Variants in AP3D1 observed in about 807,000 individuals in gnomAD.
AP3D1 encodes AP-3 complex subunit delta-1.
AP3D1 carries 51 observed loss-of-function variants against 147.6 expected under a neutral mutation model. The ratio of observed to expected loss-of-function variants is 0.35; its 90% CI spans 0.28 to 0.44. AP3D1 has a LOEUF of 0.44. Among genes scored for constraint, AP3D1 ranks in the 20% least tolerant of loss-of-function variants. The pLI, the probability that AP3D1 is intolerant of heterozygous loss-of-function variation, is 1.00. For synonymous variants in AP3D1, 760 were observed against 663.0 expected, an observed-to-expected ratio of 1.15 and a Z score of -2.25; for missense variants, 1,421 against 1,624.2, an observed-to-expected ratio of 0.87 and a Z score of 2.15.
chr19:2,110,580 G>A (rs1373243481), intron 27 of AP3D1, 127 bp downstream of exon 27: 1 of 1,041,466 alleles, frequency 9.6e-7, no homozygotes, highest in Non-Finnish European at 1.4e-6. Flanking sequence ...AGGAGGTACT[G>A]AGGTGCAGCC....
chr19:2,117,309 G>A lies in AP3D1; in HGVS notation c.1772C>T (p.Pro591Leu). ...GAGAGCGCTGACCTCCTCTGCCACA[G>A]GCACGTCCTTGGCCTGAAGCTTCTG... Reference protein sequence around the residue: ...HIQKLQAKDVPVAEEVSALFA... With the variant: ...HIQKLQAKDVLVAEEVSALFA... The change falls in exon 16 of 32, where the codon CCT becomes CTT. Residue 591 changes from proline (P) to leucine (L), a missense_variant. Physicochemically the swap from Pro to Leu is moderately conservative, Grantham distance 98. Around this residue, in one of 6 missense-constraint regions of AP3D1, gnomAD observed 310 missense variants for 388.1 expected, o/e 0.80. Coordinates refer to ENST00000643116, the MANE Select transcript of AP3D1 (RefSeq NM_001261826.3). The A allele has an allele frequency of 6.2e-7, 1 of 1,612,882 alleles. No homozygotes were observed. Among genetic ancestry groups the A allele is most frequent in the Non-Finnish European group, 8.5e-7 (1 of 1,179,770 alleles).
At chr19:2,155,975 C>T (rs542010132), upstream of AP3D1, among the ~76,000 whole-genome samples, 81 of 151,382 alleles carry the variant, frequency 5.4e-4, 1 homozygote, top group Admixed American at 1.4e-3. Flanking sequence ...ATGGCGTGTA[C>T]CCGGGAGGCG....
chr19:2,104,471 C>G (rs974954561), intron 31 of AP3D1, among the ~76,000 whole-genome samples: 5 of 150,974 alleles, frequency 3.3e-5, no homozygotes, highest in Non-Finnish European at 7.4e-5. Context: ...CGCCAAGACA[C>G]CAATGCCCAG....
intron 22 of AP3D1, among the ~76,000 whole-genome samples, 156 bp from the exon 23 acceptor site, chr19:2,113,569 G>A (rs2018349025): frequency 6.6e-6 from 1 of 152,232 alleles, no homozygotes; most frequent in Non-Finnish European, 1.5e-5. Context: ...AGGAGCTGAA[G>A]GCGATGTCCT....
chr19:2,164,482 G>C, upstream of AP3D1: 1 of 325,710 alleles, frequency 3.1e-6, no homozygotes, highest in Non-Finnish European at 5.5e-6. Flanking sequence ...GGTGGGAGCG[G>C]GAGCCGGCGC....
intron 31 of AP3D1, among the ~76,000 whole-genome samples, chr19:2,103,028 G>A (rs1271386576): frequency 1.3e-5 from 2 of 152,072 alleles, no homozygotes; most frequent in East Asian, 3.9e-4. Context: ...GGAGGCTGAG[G>A]CGGGAGGGTC....
rs754222418 is a variant in AP3D1, at chr19:2,121,236, G to A, written c.1177C>T (p.Arg393Cys). The change falls in exon 13 of 32, where the codon CGT becomes TGT. Residue 393 changes from arginine to cysteine, a missense_variant. This residue lies in a region of AP3D1 where 310 missense variants were observed against 388.1 expected (regional missense o/e 0.80). Transcript: ENST00000643116. ...HVDKAEGTTY[R>C]DELLTKIIDI... The stretch of plus-strand genomic sequence containing the variant: ...ATGATCTTGGTGAGCAGCTCGTCAC[G>A]GTAGGTGGTACCCTCTGCCTTGTCT... 4.3e-6 allele frequency: 7 copies of A among 1,614,068 alleles called. No homozygotes were observed. The highest frequency in any genetic ancestry group is 1.7e-5 in the Admixed American group (1 of 60,004).
intron 5 of AP3D1, 53 bp from the exon 6 acceptor site, chr19:2,130,590 T>C (rs1357975805): frequency 6.2e-7 from 1 of 1,603,380 alleles, no homozygotes; most frequent in Non-Finnish European, 8.5e-7. Context: ...TCATCCCTGC[T>C]CTCGCCCCTC....
intron 4 of AP3D1, among the ~76,000 whole-genome samples, chr19:2,133,210 C>T (rs2145123666): frequency 6.6e-6 from 1 of 152,246 alleles, no homozygotes; most frequent in African/African-American, 2.4e-5. Context: ...CTTTCCGCAA[C>T]AACTGAGGGG....
chr19:2,113,278 G>T, intron 23 of AP3D1, 58 bp downstream of exon 23: 1 of 921,872 alleles, frequency 1.1e-6, no homozygotes. Flanking sequence ...TTCCCTGAGT[G>T]CCAGGTATGA....
At chr19:2,142,014 T>TA (rs2019235349) in intron 1 of AP3D1, among the ~76,000 whole-genome samples, 1 of 150,136 alleles carries the variant, frequency 6.7e-6, no homozygotes, top group African/African-American at 2.5e-5. Context: ...ATATGTTTAT[T>TA]TATATATATA....
intron 1 of AP3D1, among the ~76,000 whole-genome samples, chr19:2,160,042 G>C (rs917500364): frequency 6.6e-6 from 1 of 151,526 alleles, no homozygotes; most frequent in Non-Finnish European, 1.5e-5. Context: ...GTAGAGACGG[G>C]GTTTCACCAT....
At chr19:2,104,779 A>G (rs1599434199) in intron 31 of AP3D1, among the ~76,000 whole-genome samples, 1 of 143,920 alleles carries the variant, frequency 6.9e-6, no homozygotes, top group Non-Finnish European at 1.5e-5. Context: ...AGATCCTCCC[A>G]CCCCAGCCTC....
intron 11 of AP3D1, 106 bp downstream of exon 11, chr19:2,123,252 C>G (rs1280291488): frequency 8.6e-7 from 1 of 1,158,716 alleles, no homozygotes; most frequent in Non-Finnish European, 1.3e-6. Context: ...AGGGAGACAG[C>G]TGGGGTTGCA....
intron 1 of AP3D1, among the ~76,000 whole-genome samples, chr19:2,161,280 G>A (rs1470034916): frequency 1.3e-5 from 2 of 150,236 alleles, no homozygotes; most frequent in East Asian, 4.0e-4. Context: ...TGTTGCCTCA[G>A]CCTCCCGAGT....
intron 1 of AP3D1, among the ~76,000 whole-genome samples, chr19:2,148,270 A>T (rs1195874400): frequency 1.3e-5 from 2 of 152,220 alleles, no homozygotes; most frequent in Non-Finnish European, 2.9e-5. Flanking sequence ...GAGCTTTAGA[A>T]GCTGAGGACA....
At chr19:2,151,862 G>C (rs1252255844), upstream of AP3D1, among the ~76,000 whole-genome samples, 1 of 152,254 alleles carries the variant, frequency 6.6e-6, no homozygotes, top group Non-Finnish European at 1.5e-5. Flanking sequence ...GCTGACAGGT[G>C]TGAGCGTGGC....
Position 2,114,823 on chromosome 19 carries a change from T to C in AP3D1, c.2350-2A>G. 6.2e-7 allele frequency: 1 copy of C among 1,613,980 alleles called. No homozygotes were observed. Among genetic ancestry groups the C allele is most frequent in the Non-Finnish European group, 8.5e-7 (1 of 1,179,910 alleles). The stretch of plus-strand genomic sequence containing the variant: ...ATCCTCGTCGCTGGGCAGAGCATTC[T>C]GACAGGAAGAGAGGAACCCCATCAC... On this transcript the variant is annotated splice_acceptor_variant, in intron 20 of 31. Transcript: ENST00000643116. LOFTEE classifies it high-confidence loss of function.
At chr19:2,139,656 G>C (rs936836266) in intron 1 of AP3D1, among the ~76,000 whole-genome samples, 2 of 152,312 alleles carry the variant, frequency 1.3e-5, no homozygotes, top group Non-Finnish European at 2.9e-5. Flanking sequence ...CTCCATCAGT[G>C]AACGATGAGG....
Sources: gnomAD v4.1 joint callset for allele counts (sites outside exome capture counted in the v4.1 genomes callset) on GRCh38, gnomAD v4.1.1 for gene constraint, gnomAD v4.1.1 regional missense constraint, MANE v1.5 for transcripts, NCBI Gene and HGNC (gene_info 2026-07-23, HGNC 2026-07-21) for gene names.